Variants in RFX3 observed in about 807,000 individuals in gnomAD.
RFX3 encodes transcription factor RFX3.
In RFX3, 14 loss-of-function variants were observed where a neutral mutation model predicts 98.6. The observed-to-expected ratio is 0.14, with a 90% CI of 0.09 to 0.22. RFX3 has a LOEUF of 0.22. Ranked by LOEUF, RFX3 falls within the 10% of genes least tolerant of loss-of-function variation. RFX3 has a pLI of 1.00. For synonymous variants in RFX3, 383 were observed against 328.4 expected, an observed-to-expected ratio of 1.17 and a Z score of -1.80; for missense variants, 639 against 926.9, an observed-to-expected ratio of 0.69 and a Z score of 4.03.
At chr9:3,426,612 C>A (rs891244225) in intron 1 of RFX3, among the ~76,000 whole-genome samples, 1 of 152,140 alleles carries the variant, frequency 6.6e-6, no homozygotes, top group African/African-American at 2.4e-5. Context: ...CTGAGCTCTG[C>A]CTCCTGTCAG....
In RFX3 at chr9:3,230,940, C is replaced by T. The variant is rs112351313; in HGVS notation, c.1969-2051G>A. On this transcript the variant is annotated intron_variant, in intron 15 of 16. Coordinates refer to ENST00000617270, the MANE Select transcript of RFX3 (RefSeq NM_001282116.2). The stretch of plus-strand genomic sequence containing the variant: ...ATTGCATTTAGTTGCTACTTAACTC[C>T]GAAAACATGACAACTTCCTTAATAC... Among the ~76,000 whole-genome samples the T allele has an allele frequency of 7.6e-3, 1,163 of 152,206 alleles. 4 individuals are homozygous for T. The highest frequency in any genetic ancestry group is 1.0e-2 in the Non-Finnish European group (679 of 68,018).
intron 1 of RFX3, among the ~76,000 whole-genome samples, chr9:3,504,287 A>T (rs202096799): frequency 6.0e-5 from 6 of 100,116 alleles, no homozygotes; most frequent in Admixed American, 3.6e-4. Flanking sequence ...ATAACATATA[A>T]AATATATATT....
At chr9:3,359,330 T>C (rs1018869273) in intron 2 of RFX3, among the ~76,000 whole-genome samples, 1 of 152,078 alleles carries the variant, frequency 6.6e-6, no homozygotes, top group African/African-American at 2.4e-5. Flanking sequence ...CCCTAGTTTT[T>C]AGTTTAGAGT....
intron 4 of RFX3, among the ~76,000 whole-genome samples, chr9:3,325,555 G>A (rs894529760): frequency 3.3e-5 from 5 of 151,550 alleles, no homozygotes; most frequent in Admixed American, 1.3e-4. Flanking sequence ...TTCATATCAC[G>A]GTCTCAAAAA....
chr9:3,330,259 T>C lies in RFX3; in HGVS notation c.474A>G (p.Thr158=). 1 of 1,613,978 alleles carries C rather than the reference T, an allele frequency of 6.2e-7. No individual in the cohort carries two copies. Among genetic ancestry groups the C allele is most frequent in the East Asian group, 2.2e-5 (1 of 44,854 alleles). The change falls in exon 4 of 17, where the codon ACA becomes ACG. Residue 158 remains threonine (T), a splice_region_variant and synonymous_variant. Coordinates refer to ENST00000617270, the MANE Select transcript of RFX3 (RefSeq NM_001282116.2). ...VTHTTRASPA[T]IEMAIETLQK... ...AACTACTAAAAATTCAAATACTTAC[T>C]GTCGCTGGGGAGGCCCGAGTTGTGT...
At chr9:3,454,757 A>G (rs1443561271) in intron 1 of RFX3, among the ~76,000 whole-genome samples, 3 of 152,162 alleles carry the variant, frequency 2.0e-5, no homozygotes, top group Non-Finnish European at 4.4e-5. Context: ...CAAATCTTTC[A>G]TTTTATATAA....
intron 1 of RFX3, among the ~76,000 whole-genome samples, chr9:3,457,560 GTTCTT>G (rs2132990040): frequency 6.6e-6 from 1 of 152,056 alleles, no homozygotes; most frequent in South Asian, 2.1e-4. Flanking sequence ...CCAGTAGTTT[GTTCTT>G]TTATTATTAT....
At chr9:3,347,245 T>G (rs1296656209) in intron 2 of RFX3, among the ~76,000 whole-genome samples, 1 of 151,656 alleles carries the variant, frequency 6.6e-6, no homozygotes, top group Non-Finnish European at 1.5e-5. Context: ...TGCTTGAACC[T>G]GGGAGGCAGA....
chr9:3,442,576 G>T (rs1845697875), intron 1 of RFX3, among the ~76,000 whole-genome samples: 1 of 152,110 alleles, frequency 6.6e-6, no homozygotes, highest in Non-Finnish European at 1.5e-5. Flanking sequence ...AATAAAGTCT[G>T]AAGTATAGCC....
At chr9:3,467,215 A>G (rs1026476434) in intron 1 of RFX3, among the ~76,000 whole-genome samples, 1 of 144,144 alleles carries the variant, frequency 6.9e-6, no homozygotes, top group East Asian at 2.0e-4. Flanking sequence ...GTATATACAT[A>G]TATAATGTAT....
intron 1 of RFX3, among the ~76,000 whole-genome samples, chr9:3,476,002 A>T (rs1471191287): frequency 6.6e-6 from 1 of 152,206 alleles, no homozygotes; most frequent in Non-Finnish European, 1.5e-5. Context: ...GGCCCTGTCC[A>T]GGCATGACAG....
chr9:3,407,565 G>T (rs942110389), intron 1 of RFX3, among the ~76,000 whole-genome samples: 1 of 151,988 alleles, frequency 6.6e-6, no homozygotes, highest in Admixed American at 6.6e-5. Flanking sequence ...TTGTTTCATT[G>T]TTTTTTTAAC....
At chr9:3,231,736 G>A (rs1818474436) in intron 15 of RFX3, among the ~76,000 whole-genome samples, 1 of 151,960 alleles carries the variant, frequency 6.6e-6, no homozygotes, top group African/African-American at 2.4e-5. Context: ...CATAGATAGG[G>A]GCCAGATGAC....
chr9:3,432,204 T>C (rs781558141), intron 1 of RFX3, among the ~76,000 whole-genome samples: 2 of 152,138 alleles, frequency 1.3e-5, no homozygotes, highest in South Asian at 4.1e-4. Flanking sequence ...AAAGTTCTTT[T>C]GATATTGAAC....
intron 9 of RFX3, among the ~76,000 whole-genome samples, chr9:3,272,723 C>G (rs1232095126): frequency 6.6e-6 from 1 of 151,952 alleles, no homozygotes; most frequent in Non-Finnish European, 1.5e-5. Context: ...TTATATAGTT[C>G]TATATATGAG....
intron 14 of RFX3, among the ~76,000 whole-genome samples, chr9:3,254,472 C>A (rs769118176): frequency 6.6e-6 from 1 of 151,862 alleles, no homozygotes; most frequent in South Asian, 2.1e-4. Flanking sequence ...ATACCACTTA[C>A]GTTGTTATCT....
intron 15 of RFX3, among the ~76,000 whole-genome samples, chr9:3,246,025 T>C (rs1379392010): frequency 3.3e-5 from 5 of 152,192 alleles, no homozygotes; most frequent in Admixed American, 2.0e-4. Flanking sequence ...AGTATGACCA[T>C]GGCCAATAGA....
At chr9:3,424,369 T>TGG (rs1203920832) in intron 1 of RFX3, among the ~76,000 whole-genome samples, 8 of 114,082 alleles carry the variant, frequency 7.0e-5, no homozygotes, top group Non-Finnish European at 1.3e-4. Context: ...TTTTTTTTTT[T>TGG]TTTTTTTTTT....
chr9:3,515,414 G>A lies in RFX3; in HGVS notation c.-9+10333C>T, dbSNP rs1245251531. Among the ~76,000 whole-genome samples the A allele has an allele frequency of 3.9e-5, 6 of 152,114 alleles. No individual in the cohort carries two copies. The East Asian group carries it at 7.7e-4, about 19-fold the overall frequency. On this transcript the variant is annotated intron_variant, in intron 1 of 16. Coordinates refer to ENST00000617270, the MANE Select transcript of RFX3 (RefSeq NM_001282116.2). ...TTCTGCACAATATTACAGTAGGTAAGGAAAGAAATCTGGAAGAAATACTGG... is the reference window on the plus strand; with the variant it reads ...TTCTGCACAATATTACAGTAGGTAAAGAAAGAAATCTGGAAGAAATACTGG...
Sources: allele counts gnomAD v4.1 joint callset (sites outside exome capture counted in the v4.1 genomes callset), GRCh38; gene constraint gnomAD v4.1.1; transcripts MANE v1.5; gene names NCBI Gene and HGNC (gene_info 2026-07-23, HGNC 2026-07-21).